The following PI4KA variants were observed in gnomAD, a reference collection of about 807,000 sequenced individuals.
The protein encoded by PI4KA is PI4-kinase alpha.
A neutral mutation model predicts 271.4 loss-of-function variants in PI4KA; 122 were observed. The ratio of observed to expected loss-of-function variants is 0.45; its 90% CI spans 0.39 to 0.52. The LOEUF (loss-of-function observed/expected upper bound fraction) is 0.52. Among genes scored for constraint, PI4KA ranks in the 20% least tolerant of loss-of-function variants. The pLI is 0.00. For missense variants in PI4KA, 1,969 were observed against 2,769.1 expected (o/e 0.71, Z 6.48); for synonymous variants, 1,041 against 1,078.8 (o/e 0.96, Z 0.69).
chr22:20,834,839 A>G (rs1181470814), intron 2 of PI4KA, among the ~76,000 whole-genome samples, 184 bp from the exon 3 acceptor site: 3 of 152,244 alleles, frequency 2.0e-5, no homozygotes, highest in South Asian at 2.1e-4. Context: ...TTCACACTGC[A>G]GAGTCCAGAG....
chr22:20,853,173 G>A (rs1894158693), intron 1 of PI4KA, among the ~76,000 whole-genome samples: 1 of 152,276 alleles, frequency 6.6e-6, no homozygotes, highest in Non-Finnish European at 1.5e-5. Flanking sequence ...ATGGAAAAAG[G>A]GCTCTGATCA....
Position 20,753,196 on chromosome 22 carries a change from T to C in PI4KA, c.2792-16A>G, listed in dbSNP as rs2147337216. 1 of 1,609,878 alleles carries C rather than the reference T, an allele frequency of 6.2e-7. No homozygotes were observed. The highest frequency in any genetic ancestry group is 2.2e-5 in the East Asian group (1 of 44,886). On this transcript the variant is annotated splice_polypyrimidine_tract_variant and intron_variant, in intron 23 of 54. Transcript: ENST00000255882. ...TGCATCATCCCTGAAACGAGAAGGTTTCCATGGATAAGGTGCAGCAACAGA... is the reference window on the plus strand; with the variant it reads ...TGCATCATCCCTGAAACGAGAAGGTCTCCATGGATAAGGTGCAGCAACAGA...
chr22:20,824,762 AC>A (rs1923166718), intron 3 of PI4KA, among the ~76,000 whole-genome samples: 1 of 151,498 alleles, frequency 6.6e-6, no homozygotes, highest in Non-Finnish European at 1.5e-5. Context: ...ACACACACAC[AC>A]ACACACACAC....
At chr22:20,800,761 C>G (rs1267302362) in intron 14 of PI4KA, among the ~76,000 whole-genome samples, 9 of 149,840 alleles carry the variant, frequency 6.0e-5, no homozygotes, top group African/African-American at 1.7e-4. Flanking sequence ...GTAGTCCCAG[C>G]TACTCCAGAG....
At chr22:20,751,125 T>A (rs1362233741) in intron 27 of PI4KA, among the ~76,000 whole-genome samples, 168 bp downstream of exon 27, 1 of 151,988 alleles carries the variant, frequency 6.6e-6, no homozygotes, top group Non-Finnish European at 1.5e-5. Flanking sequence ...TTGCACTCGG[T>A]GGAGCCTGGC....
chr22:20,819,341 A>C (rs953812395), intron 6 of PI4KA, among the ~76,000 whole-genome samples: 6 of 151,000 alleles, frequency 4.0e-5, no homozygotes, highest in African/African-American at 1.2e-4. Flanking sequence ...TGGATAAGAG[A>C]GTAAGTCTTG....
chr22:20,739,351 CA>C (rs1000385222), intron 32 of PI4KA, among the ~76,000 whole-genome samples: 23 of 138,904 alleles, frequency 1.7e-4, no homozygotes, highest in Admixed American at 4.3e-4. Flanking sequence ...AAAAAAAAAA[CA>C]AAAAAAAGCA....
chr22:20,852,081 G>A (rs1240622392), intron 1 of PI4KA, among the ~76,000 whole-genome samples: 6 of 152,048 alleles, frequency 3.9e-5, no homozygotes, highest in Admixed American at 6.6e-5. Flanking sequence ...CAGAGATCAC[G>A]CCACTGCACT....
chr22:20,785,290 G>C (rs1376713535), intron 19 of PI4KA, among the ~76,000 whole-genome samples: 2 of 152,160 alleles, frequency 1.3e-5, no homozygotes, highest in African/African-American at 2.4e-5. Context: ...GGCTGGTCTT[G>C]AACTCCTGGC....
intron 1 of PI4KA, among the ~76,000 whole-genome samples, chr22:20,857,485 G>C (rs1303207884): frequency 6.6e-6 from 1 of 152,174 alleles, no homozygotes; most frequent in East Asian, 1.9e-4. Flanking sequence ...CAGCAGGCTG[G>C]TCTCCGGTCA....
chr22:20,724,778 C>G (rs538225124), intron 42 of PI4KA, among the ~76,000 whole-genome samples: 1 of 152,030 alleles, frequency 6.6e-6, no homozygotes, highest in African/African-American at 2.4e-5. Flanking sequence ...GGTACTGGCT[C>G]CCCTCCCCAC....
chr22:20,829,230 G>A (rs1048900782), intron 3 of PI4KA, among the ~76,000 whole-genome samples: 1 of 152,126 alleles, frequency 6.6e-6, no homozygotes, highest in African/African-American at 2.4e-5. Flanking sequence ...AGTAGGAGTG[G>A]TACCAGCTCT....
chr22:20,844,164 C>A (rs1286190285), intron 1 of PI4KA, among the ~76,000 whole-genome samples: 2 of 152,180 alleles, frequency 1.3e-5, no homozygotes, highest in Non-Finnish European at 2.9e-5. Context: ...CTTACAGTTA[C>A]TTGTATACTT....
intron 2 of PI4KA, among the ~76,000 whole-genome samples, chr22:20,837,355 C>T (rs1054403711): frequency 2.0e-5 from 3 of 149,654 alleles, no homozygotes; most frequent in East Asian, 2.0e-4. Context: ...CCAGCCTAGG[C>T]GATAGAGTGA....
chr22:20,731,017 A>G (rs1453641807), intron 36 of PI4KA, among the ~76,000 whole-genome samples: 1 of 152,042 alleles, frequency 6.6e-6, no homozygotes, highest in Non-Finnish European at 1.5e-5. Context: ...TATCTCTACA[A>G]CAACAATAAA....
chr22:20,721,276 T>C lies in PI4KA; in HGVS notation c.5116+22A>G, dbSNP rs539021812. On this transcript the variant is annotated intron_variant, in intron 43 of 54. Transcript: ENST00000255882. ...TGCACTGAAGACAGTAAGTGAGGCC[T>C]GTGGGAGGACAAAATACTCACGGTC... 6.2e-6 allele frequency: 10 copies of C among 1,613,420 alleles called. No individual in the cohort carries two copies. In the South Asian group the frequency reaches 1.1e-4, roughly 18 times the overall value.
At chr22:20,777,018 G>A (rs908648525) in intron 19 of PI4KA, among the ~76,000 whole-genome samples, 3 of 149,918 alleles carry the variant, frequency 2.0e-5, no homozygotes, top group Non-Finnish European at 4.4e-5. Flanking sequence ...CACAAAATAA[G>A]CTTAACAAAA....
At chr22:20,738,816 T>TA (rs887149390) in intron 32 of PI4KA, among the ~76,000 whole-genome samples, 79 of 144,524 alleles carry the variant, frequency 5.5e-4, no homozygotes, top group African/African-American at 1.8e-3. Flanking sequence ...TTGCTTAAAA[T>TA]AAAAAAAAAA....
intron 12 of PI4KA, among the ~76,000 whole-genome samples, chr22:20,803,682 C>G (rs1935476939): frequency 6.6e-6 from 1 of 152,020 alleles, no homozygotes; most frequent in South Asian, 2.1e-4. Context: ...ACACCATCAT[C>G]CCTAACTAAT....
Sources: gnomAD v4.1 joint callset for allele counts (sites outside exome capture counted in the v4.1 genomes callset) on GRCh38, gnomAD v4.1.1 for gene constraint, MANE v1.5 for transcripts, NCBI Gene and HGNC (gene_info 2026-07-23, HGNC 2026-07-21) for gene names.